Variants in AQP9 observed in about 807,000 individuals in gnomAD.
AQP9 encodes the protein aquaporin 9.
AQP9 carries 19 observed loss-of-function variants against 23.8 expected under a neutral mutation model. That is an observed-to-expected ratio of 0.80 (90% confidence interval 0.56 to 1.17). AQP9 has a LOEUF of 1.17. Among genes scored for constraint, AQP9 ranks in the 50% most tolerant of loss-of-function variants. AQP9 has a pLI of 0.00. For missense variants in AQP9, 413 were observed against 362.0 expected (o/e 1.14, Z -1.14); for synonymous variants, 153 against 131.5 (o/e 1.16, Z -1.12).
chr15:58,161,386 C>A (rs190832104), intron 1 of AQP9, among the ~76,000 whole-genome samples: 175 of 152,196 alleles, frequency 1.1e-3, no homozygotes, highest in Admixed American at 1.4e-3. Context: ...TGTATGGAAC[C>A]TGATAGTAAA....
chr15:58,161,858 G>A (rs575715839), intron 1 of AQP9, among the ~76,000 whole-genome samples: 2 of 152,034 alleles, frequency 1.3e-5, no homozygotes, highest in East Asian at 1.9e-4. Flanking sequence ...TTTAATATAT[G>A]AGCAAGCTGA....
chr15:58,155,996 T>C (rs1898249492), intron 1 of AQP9: 1 of 152,180 alleles, frequency 6.6e-6, no homozygotes, highest in African/African-American at 2.4e-5. Context: ...GCATCCATTA[T>C]GCACTTCTCA....
chr15:58,173,176 G>A lies in AQP9; in HGVS notation c.347G>A (p.Gly116Glu). The stretch of plus-strand genomic sequence containing the variant: ...GCCCAGTTCTTGGGAGCCTTTGTGG[G>A]GGCTGCAACCGTCTTTGGCATTTAC... ...VGAQFLGAFV[G>E]AATVFGIYYD... The change falls in exon 3 of 6, where the codon GGG becomes GAG. Residue 116 changes from glycine (G) to glutamate (E), a missense_variant. By Grantham distance (98) the Gly-to-Glu change is moderately conservative. Transcript: ENST00000219919. The A allele has an allele frequency of 1.9e-6, 3 of 1,614,106 alleles. No homozygotes were observed. Among genetic ancestry groups the A allele is most frequent in the East Asian group, 2.2e-5 (1 of 44,876 alleles).
At position 58,174,806 on chromosome 15, in the gene AQP9, T is replaced by C. The variant is rs544371400; in HGVS notation, c.377-112T>C. 3 of 831,510 alleles carry C rather than the reference T, an allele frequency of 3.6e-6. 1 individual carries two copies. The highest frequency in any genetic ancestry group is 3.4e-5 in the African/African-American group (2 of 59,404). 51.5% of individuals were successfully genotyped at this position (831,510 alleles called of 1,614,324 possible). A position where few individuals can be genotyped will look rare whatever the true frequency, so the allele number is the denominator to read the frequency against. ...CGGAAGTAGAGAGAGACAAATGACA[T>C]GGCTATGCCAAGCTCAATCTGAGTG... On this transcript the variant is annotated intron_variant, in intron 3 of 5. Coordinates refer to ENST00000219919, the MANE Select transcript of AQP9 (RefSeq NM_020980.5).
At chr15:58,165,616 G>A (rs1447254485) in intron 1 of AQP9, among the ~76,000 whole-genome samples, 2 of 151,890 alleles carry the variant, frequency 1.3e-5, no homozygotes, top group African/African-American at 4.8e-5. Context: ...ATACCTTGGG[G>A]GTCTTTCCAC....
chr15:58,139,082 T>C (rs142493191), intron 1 of AQP9, among the ~76,000 whole-genome samples: 44 of 152,308 alleles, frequency 2.9e-4, no homozygotes, highest in African/African-American at 1.1e-3. Flanking sequence ...AGTCAATAAA[T>C]ATAGTTGGCA....
At chr15:58,145,553 C>G (rs1898030448) in intron 1 of AQP9, among the ~76,000 whole-genome samples, 1 of 151,092 alleles carries the variant, frequency 6.6e-6, no homozygotes, top group South Asian at 2.1e-4. Flanking sequence ...AATTTTTCTT[C>G]TGAACAACAC....
At chr15:58,148,918 C>T (rs1352431849) in intron 1 of AQP9, among the ~76,000 whole-genome samples, 14 of 152,112 alleles carry the variant, frequency 9.2e-5, no homozygotes, top group Admixed American at 7.2e-4. Flanking sequence ...TGAGCCTGCC[C>T]TAATATCGCC....
chr15:58,184,888 T>C lies in AQP9; in HGVS notation c.*753T>C, dbSNP rs1181313987. The C allele has an allele frequency of 6.6e-6, 1 of 152,258 alleles. No homozygotes were observed. Among genetic ancestry groups the C allele is most frequent in the Non-Finnish European group, 1.5e-5 (1 of 68,044 alleles). The allele number at this position is 152,258 out of a possible 1,614,324, so 9.4% of individuals were successfully genotyped here. A position where few individuals can be genotyped will look rare whatever the true frequency, so the allele number is the denominator to read the frequency against. On this transcript the variant is annotated 3_prime_UTR_variant, in exon 6 of 6. Coordinates refer to ENST00000219919, the MANE Select transcript of AQP9 (RefSeq NM_020980.5). ...TATATAATAACCTAAAATACCATTG[T>C]AACCTCAGTCATGAAAAATACATCA...
At chr15:58,180,703 G>T (rs1193732339) in intron 5 of AQP9, among the ~76,000 whole-genome samples, 1 of 152,108 alleles carries the variant, frequency 6.6e-6, no homozygotes, top group Non-Finnish European at 1.5e-5. Context: ...GGCATTTTTG[G>T]TTGTCACGGC....
intron 3 of AQP9, 34 bp from the exon 4 acceptor site, chr15:58,174,884 G>A (rs780233266): frequency 1.3e-6 from 2 of 1,578,990 alleles, no homozygotes; most frequent in Non-Finnish European, 1.7e-6. Flanking sequence ...TCTTCCCAGG[G>A]AACACTAATG....
chr15:58,185,562 C>T lies in AQP9; in HGVS notation c.*1427C>T, dbSNP rs1899011113. Reference sequence around the variant, plus strand: ...TCTTGCTAAGTCTTGATCTTGCTTCCTGCCAGCACCAAACATTACATTCAG... The same window carrying T: ...TCTTGCTAAGTCTTGATCTTGCTTCTTGCCAGCACCAAACATTACATTCAG... On this transcript the variant is annotated 3_prime_UTR_variant, in exon 6 of 6. Coordinates refer to ENST00000219919, the MANE Select transcript of AQP9 (RefSeq NM_020980.5). 1 of 152,254 alleles carries T rather than the reference C, an allele frequency of 6.6e-6. No homozygotes were observed. The highest frequency in any genetic ancestry group is 1.5e-5 in the Non-Finnish European group (1 of 68,042). 9.4% of individuals were successfully genotyped at this position (152,254 alleles called of 1,614,324 possible).
At chr15:58,144,293 T>C (rs1313877181) in intron 1 of AQP9, among the ~76,000 whole-genome samples, 1 of 152,030 alleles carries the variant, frequency 6.6e-6, no homozygotes, top group Admixed American at 6.5e-5. Flanking sequence ...ATAATTAGAA[T>C]TTATTTGGTG....
chr15:58,161,075 C>G (rs1315171735), intron 1 of AQP9, among the ~76,000 whole-genome samples: 2 of 152,048 alleles, frequency 1.3e-5, no homozygotes, highest in African/African-American at 4.8e-5. Context: ...GCTGACATTT[C>G]CTGAGCAATG....
chr15:58,153,461 A>G (rs1453444562), intron 1 of AQP9: 1 of 152,110 alleles, frequency 6.6e-6, no homozygotes, highest in Non-Finnish European at 1.5e-5. Context: ...ATTAACAGCA[A>G]TTTGTGCTCT....
At chr15:58,148,178 G>GA (rs1898082862) in intron 1 of AQP9, among the ~76,000 whole-genome samples, 1 of 151,990 alleles carries the variant, frequency 6.6e-6, no homozygotes, top group Non-Finnish European at 1.5e-5. Context: ...AATCTGTTCT[G>GA]AAAAACACTA....
At chr15:58,162,861 C>G (rs1898412121) in intron 1 of AQP9, among the ~76,000 whole-genome samples, 1 of 152,162 alleles carries the variant, frequency 6.6e-6, no homozygotes, top group Non-Finnish European at 1.5e-5. Context: ...CCAAGTAGAG[C>G]AGGGATGACG....
chr15:58,166,743 A>T lies in AQP9; in HGVS notation c.182A>T (p.Asn61Ile), dbSNP rs776947032. The T allele has an allele frequency of 6.2e-7, 1 of 1,613,966 alleles. No individual in the cohort carries two copies. The highest frequency in any genetic ancestry group is 2.2e-5 in the East Asian group (1 of 44,878). Residue 61 changes from asparagine (N) to isoleucine (I), a missense_variant, in exon 2 of 6, where the codon AAT (asparagine) becomes ATT (isoleucine). By Grantham distance (149) the Asn-to-Ile change is moderately radical (BLOSUM62 -3). Transcript: ENST00000219919. ...RGRFGGVITI[N>I]VGFSMAVAMA... is the part of the protein sequence containing the mutation. The stretch of plus-strand genomic sequence containing the variant: ...CGTTTTGGAGGGGTCATCACTATCA[A>T]TGTTGGATTTTCAATGGCAGTTGCA...
rs555463603 is a variant in AQP9, at chr15:58,179,602, C to A, written c.713+257C>A. On this transcript the variant is annotated intron_variant, in intron 5 of 5. Transcript: ENST00000219919. Reference sequence around the variant, plus strand: ...TAAATTCAATAGAGATAAAACTGTCCCACATAATAATAATCCCTCAATTGC... The same window carrying A: ...TAAATTCAATAGAGATAAAACTGTCACACATAATAATAATCCCTCAATTGC... Among the ~76,000 whole-genome samples the A allele has an allele frequency of 6.6e-5, 10 of 151,302 alleles. No homozygotes were observed. The South Asian group carries it at 2.1e-3, about 31-fold the overall frequency.
Sources: gnomAD v4.1 joint callset for allele counts (sites outside exome capture counted in the v4.1 genomes callset) on GRCh38, gnomAD v4.1.1 for gene constraint, MANE v1.5 for transcripts, NCBI Gene and HGNC (gene_info 2026-07-23, HGNC 2026-07-21) for gene names.